Variants in SLC35E4 observed in about 807,000 individuals in gnomAD.
SLC35E4 encodes solute carrier family 35, member E4.
Under a neutral mutation model 19.3 loss-of-function variants are expected in SLC35E4, and 15 were observed. That is an observed-to-expected ratio of 0.78 (90% CI 0.52 to 1.20). The LOEUF (loss-of-function observed/expected upper bound fraction) is 1.20. Among genes scored for constraint, SLC35E4 ranks in the 50% most tolerant of loss-of-function variants. The probability of loss-of-function intolerance (pLI) is 0.00; values close to 1 mark genes in which losing one functional copy is unlikely to be tolerated. For missense variants in SLC35E4, 406 were observed against 472.3 expected (o/e 0.86, Z 1.30); for synonymous variants, 219 against 219.9 (o/e 1.00, Z 0.04).
downstream of SLC35E4, among the ~76,000 whole-genome samples, chr22:30,651,397 G>GTATATATATA (rs1411379695): frequency 9.5e-5 from 5 of 52,638 alleles, no homozygotes; most frequent in African/African-American, 6.9e-4. Flanking sequence ...GTGTGTGTGT[G>GTATATATATA]TGTATATATA....
chr22:30,649,115 C>T, downstream of SLC35E4: 1 of 713,528 alleles, frequency 1.4e-6, no homozygotes, highest in Non-Finnish European at 2.6e-6. Flanking sequence ...ACACCTGGAA[C>T]CTAATCCTGC....
intron 1 of SLC35E4, among the ~76,000 whole-genome samples, chr22:30,640,945 G>A (rs1043138595): frequency 9.8e-5 from 15 of 152,290 alleles, no homozygotes; most frequent in African/African-American, 3.1e-4. Flanking sequence ...CTGCCCTGGC[G>A]TATTCAGAGC....
At chr22:30,650,961 C>A (rs1054919124), downstream of SLC35E4, among the ~76,000 whole-genome samples, 2 of 151,538 alleles carry the variant, frequency 1.3e-5, no homozygotes, top group African/African-American at 4.8e-5. Flanking sequence ...TTCTACCCTC[C>A]CCTGGTGGCC....
At chr22:30,645,738 C>T (rs1240317724) in intron 1 of SLC35E4, among the ~76,000 whole-genome samples, 1 of 151,764 alleles carries the variant, frequency 6.6e-6, no homozygotes, top group Non-Finnish European at 1.5e-5. Context: ...TCACTGTAGC[C>T]TTCCTCTGGG....
intron 1 of SLC35E4, among the ~76,000 whole-genome samples, chr22:30,645,408 A>C (rs1045212481): frequency 1.3e-5 from 2 of 152,174 alleles, no homozygotes; most frequent in African/African-American, 4.8e-5. Flanking sequence ...CAGCCTGGCC[A>C]ACATGGCGAA....
chr22:30,648,799 C>T (rs1456567982), downstream of SLC35E4, among the ~76,000 whole-genome samples: 2 of 152,010 alleles, frequency 1.3e-5, no homozygotes, highest in African/African-American at 4.8e-5. Flanking sequence ...ATGATCATGC[C>T]ACTGCACTCC....
chr22:30,647,204 C>G lies in SLC35E4; in HGVS notation c.*173C>G, dbSNP rs2088149509. On this transcript the variant is annotated 3_prime_UTR_variant, in exon 2 of 2. Coordinates refer to ENST00000343605, the MANE Select transcript of SLC35E4 (RefSeq NM_001001479.4). ...CCTGAGGCCAGGAGTTCGAGACCAGCCTGGCTAACATGGCAAAACCTCATC... is the reference window on the plus strand; with the variant it reads ...CCTGAGGCCAGGAGTTCGAGACCAGGCTGGCTAACATGGCAAAACCTCATC... The G allele has an allele frequency of 1.3e-6, 1 of 767,850 alleles. No individual in the cohort carries two copies. Among genetic ancestry groups the G allele is most frequent in the Non-Finnish European group, 2.0e-6 (1 of 496,842 alleles). The allele number at this position is 767,850 out of a possible 1,614,324, so 47.6% of individuals were successfully genotyped here.
intron 2 of SLC35E4, chr22:30,654,175 T>G (rs1807507): frequency 1.3e-5 from 3 of 236,538 alleles, no homozygotes; most frequent in Non-Finnish European, 1.7e-5. Context: ...TAGTAGAGAC[T>G]GGGTTTCACC....
intron 2 of SLC35E4, among the ~76,000 whole-genome samples, chr22:30,655,493 GT>G (rs1157293394): frequency 4.0e-5 from 6 of 149,982 alleles, no homozygotes; most frequent in African/African-American, 1.5e-4. Context: ...GCATAGCTCA[GT>G]CAACAAAATA....
chr22:30,646,508 C>A, intron 1 of SLC35E4, 90 bp from the exon 2 acceptor site: 2 of 1,454,700 alleles, frequency 1.4e-6, no homozygotes, highest in Admixed American at 2.1e-5. Flanking sequence ...TCCGGGTAGG[C>A]TTCTTGGAGG....
In SLC35E4 at chr22:30,636,828, G is replaced by A. The variant is rs1334321602; in HGVS notation, c.378G>A (p.Val126=). The change falls in exon 1 of 2, where the codon GTG becomes GTA. Residue 126 remains valine (V), a synonymous_variant. Coordinates refer to ENST00000343605, the MANE Select transcript of SLC35E4 (RefSeq NM_001001479.4). ...GCACGTCCATGGCCTGCGGCAACGTGGGCCTAAGGGCTGTGCCCCTGGACC... is the reference window on the plus strand; with the variant it reads ...GCACGTCCATGGCCTGCGGCAACGTAGGCCTAAGGGCTGTGCCCCTGGACC... The part of the protein sequence containing the change: ...TFGTSMACGN[V]GLRAVPLDLA... 22 of 1,612,784 alleles carry A rather than the reference G, an allele frequency of 1.4e-5. No individual in the cohort carries two copies. Among genetic ancestry groups the A allele is most frequent in the Non-Finnish European group, 1.9e-5 (22 of 1,179,598 alleles).
chr22:30,654,729 C>G (rs2088299693), intron 2 of SLC35E4: 2 of 296,696 alleles, frequency 6.7e-6, no homozygotes, highest in Admixed American at 8.4e-5. Context: ...CGACCACCAC[C>G]TTCCGGCCTG....
intron 2 of SLC35E4, among the ~76,000 whole-genome samples, chr22:30,660,291 T>C (rs972457798): frequency 1.4e-5 from 2 of 147,006 alleles, no homozygotes; most frequent in Non-Finnish European, 3.0e-5. Context: ...TTATCCAAAA[T>C]GAGCAGCAGA....
intron 2 of SLC35E4, among the ~76,000 whole-genome samples, chr22:30,660,303 A>C (rs1490382475): frequency 1.0e-5 from 1 of 98,448 alleles, no homozygotes; most frequent in East Asian, 4.3e-4. Context: ...AGCAGCAGAG[A>C]GAAAAAAATT....
intron 2 of SLC35E4, among the ~76,000 whole-genome samples, chr22:30,658,915 C>G (rs1026123143): frequency 6.6e-6 from 1 of 151,924 alleles, no homozygotes; most frequent in African/African-American, 2.4e-5. Context: ...GAGGCTGAGG[C>G]GGGTGGATCA....
chr22:30,649,147 C>T (rs1348270172), downstream of SLC35E4: 1 of 715,624 alleles, frequency 1.4e-6, no homozygotes. Flanking sequence ...GACTGGGAGC[C>T]TCCCTTCCCT....
intron 2 of SLC35E4, among the ~76,000 whole-genome samples, chr22:30,661,093 G>A (rs1472786411): frequency 3.3e-5 from 5 of 152,154 alleles, no homozygotes; most frequent in South Asian, 2.1e-4. Flanking sequence ...TGGCCACCTC[G>A]GCCTCCCAAA....
In SLC35E4 at chr22:30,636,643, AG is replaced by A. The variant is rs1293907495; in HGVS notation, c.194del (p.Ser65ThrfsTer64). The A allele has an allele frequency of 1.9e-5, 31 of 1,611,600 alleles. No homozygotes were observed. Among genetic ancestry groups the A allele is most frequent in the Non-Finnish European group, 2.5e-5 (30 of 1,179,260 alleles). On this transcript the variant is annotated frameshift_variant, in exon 1 of 2. Transcript: ENST00000343605. LOFTEE classifies it high-confidence loss of function. ...GCTGCTGGCGGGAGCCAGCATGTCA[AG>A]CCTCAACAAGTGGATCTTCACAGTG... The part of the protein sequence containing the change: ...VWLLAGASMS[S>X]LNKWIFTVHG...
rs201897938 is a variant in SLC35E4 at position 30,646,894 on chromosome 22, C to T, written c.916C>T (p.Arg306Cys). 5.0e-6 allele frequency: 8 copies of T among 1,614,240 alleles called. No homozygotes were observed. The South Asian group carries it at 5.5e-5, about 11-fold the overall frequency. ...LILSRLLFGS[R>C]LSALSYVGIA... ...CCTGTCCCGGCTGTTGTTTGGCAGC[C>T]GCCTCAGTGCCCTCAGCTACGTGGG... is the stretch of plus-strand genomic sequence containing the variant. The change falls in exon 2 of 2, where the codon CGC becomes TGC. Residue 306 changes from arginine to cysteine, a missense_variant. Transcript: ENST00000343605.
Sources: allele counts gnomAD v4.1 joint callset (sites outside exome capture counted in the v4.1 genomes callset), GRCh38; gene constraint gnomAD v4.1.1; transcripts MANE v1.5; gene names NCBI Gene and HGNC (gene_info 2026-07-23, HGNC 2026-07-21).